ANK3: variants seen among roughly 807,000 people sequenced by gnomAD.
ANK3 encodes ankyrin-3.
In ANK3, 57 loss-of-function variants were observed where a neutral mutation model predicts 370.9. The observed-to-expected ratio is 0.15, with a 90% confidence interval of 0.12 to 0.19. ANK3 has a LOEUF of 0.19. Among genes scored for constraint, ANK3 ranks in the 10% least tolerant of loss-of-function variants. ANK3 has a pLI of 1.00. For synonymous variants in ANK3, 1,929 were observed against 1,946.3 expected (o/e 0.99, Z 0.23); for missense variants, 4,439 against 5,302.1 (o/e 0.84, Z 5.06).
chr10:60,417,686 G>A (rs1167921168), intron 2 of ANK3, among the ~76,000 whole-genome samples: 1 of 152,150 alleles, frequency 6.6e-6, no homozygotes, highest in African/African-American at 2.4e-5. Context: ...TACTACTGGA[G>A]GGACACAGAC....
chr10:60,707,844 C>T (rs1043213830), intron 1 of ANK3, among the ~76,000 whole-genome samples: 6 of 151,654 alleles, frequency 4.0e-5, no homozygotes, highest in African/African-American at 1.5e-4. Context: ...TGTCACAGAA[C>T]CACGAAAAAA....
chr10:60,708,062 C>T (rs143693427), intron 1 of ANK3, among the ~76,000 whole-genome samples: 95 of 152,274 alleles, frequency 6.2e-4, no homozygotes, highest in African/African-American at 2.2e-3. Flanking sequence ...GTCTCCACCC[C>T]GTGTGCATTC....
At chr10:60,396,140 C>T (rs149662268) in intron 2 of ANK3, among the ~76,000 whole-genome samples, 1 of 152,160 alleles carries the variant, frequency 6.6e-6, no homozygotes, top group East Asian at 1.9e-4. Context: ...TCTTGAATAT[C>T]GAGCCAGGGA....
chr10:60,284,884 A>ATGTGAG (rs1248555547), intron 1 of ANK3, among the ~76,000 whole-genome samples: 1 of 152,050 alleles, frequency 6.6e-6, no homozygotes, highest in Non-Finnish European at 1.5e-5. Flanking sequence ...CTTCCCAGCT[A>ATGTGAG]CCTGTGAGCC....
At chr10:60,382,327 T>A (rs1296411600) in intron 1 of ANK3, among the ~76,000 whole-genome samples, 1 of 152,206 alleles carries the variant, frequency 6.6e-6, no homozygotes, top group Non-Finnish European at 1.5e-5. Context: ...CCAGCAGATA[T>A]GAATGGTAGT....
At chr10:60,436,955 T>C (rs1356533017) in intron 2 of ANK3, among the ~76,000 whole-genome samples, 2 of 152,122 alleles carry the variant, frequency 1.3e-5, no homozygotes, top group East Asian at 3.9e-4. Flanking sequence ...TCACATGGGG[T>C]CTGTCAAATC....
chr10:60,664,541 CT>C (rs1242023223), intron 1 of ANK3, among the ~76,000 whole-genome samples: 1 of 152,128 alleles, frequency 6.6e-6, no homozygotes, highest in Non-Finnish European at 1.5e-5. Flanking sequence ...CATTGAAAGT[CT>C]CAAAGCACAG....
chr10:60,571,472 T>C (rs889115155), intron 2 of ANK3, among the ~76,000 whole-genome samples: 1 of 152,238 alleles, frequency 6.6e-6, no homozygotes, highest in East Asian at 1.9e-4. Flanking sequence ...TGTCTGAGCA[T>C]ACATTACATT....
chr10:60,259,105 T>C (rs1308680448), intron 7 of ANK3, among the ~76,000 whole-genome samples: 2 of 152,200 alleles, frequency 1.3e-5, no homozygotes, highest in African/African-American at 4.8e-5. Flanking sequence ...AAAGACTCCT[T>C]GGAAGCTGGG....
chr10:60,451,770 C>T (rs7917190), intron 2 of ANK3, among the ~76,000 whole-genome samples: 8 of 152,002 alleles, frequency 5.3e-5, no homozygotes, highest in African/African-American at 1.7e-4. Flanking sequence ...TTTGTTCCCA[C>T]GGCTCACGCT....
At position 60,075,803 on chromosome 10, in the gene ANK3, T is replaced by C. The variant is rs774624088; in HGVS notation, c.5078A>G (p.Lys1693Arg). ...KSAVDVISSA[K>R]ITMASSLSSP... ...TGAGAGAGAAGATGCCATTGTAATT[T>C]TGGCTGATGAAATGACATCAACTGC... The change falls in exon 37 of 44, where the codon AAA becomes AGA. Residue 1693 changes from lysine to arginine, a missense_variant. Lys to Arg is a conservative substitution (Grantham distance 26). Coordinates refer to ENST00000280772, the MANE Select transcript of ANK3 (RefSeq NM_020987.5). The C allele has an allele frequency of 8.1e-6, 13 of 1,614,076 alleles. No homozygotes were observed. The highest frequency in any genetic ancestry group is 2.2e-5 in the East Asian group (1 of 44,894).
intron 9 of ANK3, among the ~76,000 whole-genome samples, chr10:60,212,935 T>C (rs189902552): frequency 2.0e-5 from 3 of 152,272 alleles, no homozygotes; most frequent in Admixed American, 2.0e-4. Flanking sequence ...TGTGTTCCTT[T>C]CAGCTATGTC....
chr10:60,270,270 G>A (rs771196027), intron 4 of ANK3, 41 bp from the exon 5 acceptor site: 144 of 1,426,578 alleles, frequency 1.0e-4, no homozygotes, highest in Admixed American at 1.4e-4. Context: ...CAGCTTTCCA[G>A]AGACAATCTA....
At chr10:60,268,974 G>C (rs2097920350) in intron 5 of ANK3, among the ~76,000 whole-genome samples, 1 of 152,158 alleles carries the variant, frequency 6.6e-6, no homozygotes, top group African/African-American at 2.4e-5. Context: ...GGTTTCCCTA[G>C]AAGGTATAAT....
chr10:60,233,534 C>T (rs950000772), intron 8 of ANK3, among the ~76,000 whole-genome samples: 1 of 152,216 alleles, frequency 6.6e-6, no homozygotes, highest in Admixed American at 6.5e-5. Flanking sequence ...TGGGCTCAAG[C>T]GATCCTCCTG....
intron 1 of ANK3, among the ~76,000 whole-genome samples, chr10:60,683,235 GT>G (rs2079220626): frequency 6.6e-6 from 1 of 152,174 alleles, no homozygotes; most frequent in Non-Finnish European, 1.5e-5. Context: ...CACAACATCT[GT>G]TTAGTAAGAT....
intron 1 of ANK3, among the ~76,000 whole-genome samples, chr10:60,715,902 T>TCC (rs10687850): frequency 1 from 152,301 of 152,304 alleles, 76,149 homozygotes; most frequent in Middle Eastern, 1. Flanking sequence ...TTAACAAGAC[T>TCC]CTTCTTCAAG....
At chr10:60,045,083 TA>T (rs935796082) in intron 42 of ANK3, among the ~76,000 whole-genome samples, 14 of 151,442 alleles carry the variant, frequency 9.2e-5, no homozygotes, top group African/African-American at 2.4e-4. Context: ...TGTTTCGTAA[TA>T]AAAAAAAATG....
chr10:60,246,560 A>C (rs140892413), intron 7 of ANK3, among the ~76,000 whole-genome samples: 1 of 152,202 alleles, frequency 6.6e-6, no homozygotes, highest in Non-Finnish European at 1.5e-5. Context: ...ATCCCATTTG[A>C]TCAGACACCT....
Sources: gnomAD v4.1 joint callset for allele counts (sites outside exome capture counted in the v4.1 genomes callset) on GRCh38, gnomAD v4.1.1 for gene constraint, MANE v1.5 for transcripts, NCBI Gene and HGNC (gene_info 2026-07-23, HGNC 2026-07-21) for gene names.